SLC9B1: variants seen among roughly 807,000 people sequenced by gnomAD.
SLC9B1 encodes the protein sodium/hydrogen exchanger 9B1.
In SLC9B1, 32 loss-of-function variants were observed where a neutral mutation model predicts 51.7. The ratio of observed to expected loss-of-function variants is 0.62; its 90% CI spans 0.47 to 0.83. SLC9B1 has a LOEUF of 0.83. Ranked by LOEUF, SLC9B1 falls within the 40% of genes least tolerant of loss-of-function variation. The probability of loss-of-function intolerance (pLI) is 0.00; values close to 1 mark genes in which losing one functional copy is unlikely to be tolerated. For missense variants in SLC9B1, 406 were observed against 613.2 expected (o/e 0.66, Z 3.57); for synonymous variants, 145 against 212.7 (o/e 0.68, Z 2.77).
intron 4 of SLC9B1, among the ~76,000 whole-genome samples, chr4:102,947,132 G>GT: frequency 6.6e-6 from 1 of 152,264 alleles, no homozygotes; most frequent in Admixed American, 6.5e-5. Flanking sequence ...TGAGTCTTGC[G>GT]TTTTTTATGT....
chr4:102,943,483 C>G (rs1737108235), intron 6 of SLC9B1, among the ~76,000 whole-genome samples: 1 of 115,996 alleles, frequency 8.6e-6, no homozygotes, highest in South Asian at 2.7e-4. Context: ...ATATACGTAT[C>G]TATGTGTATA....
intron 3 of SLC9B1, among the ~76,000 whole-genome samples, chr4:102,964,384 T>A (rs1456957727): frequency 6.6e-6 from 1 of 151,856 alleles, no homozygotes; most frequent in Non-Finnish European, 1.5e-5. Flanking sequence ...AATACCAATG[T>A]TACAAAAACT....
intron 3 of SLC9B1, among the ~76,000 whole-genome samples, chr4:102,970,727 T>C (rs1738711761): frequency 6.6e-6 from 1 of 152,174 alleles, no homozygotes; most frequent in Non-Finnish European, 1.5e-5. Context: ...ATCAGTGTGC[T>C]GTATTCAGGA....
chr4:103,008,207 G>A (rs561837072), intron 1 of SLC9B1, among the ~76,000 whole-genome samples: 2 of 152,180 alleles, frequency 1.3e-5, no homozygotes, highest in Non-Finnish European at 2.9e-5. Context: ...ACAACTTATA[G>A]CAAAAGCTAT....
intron 3 of SLC9B1, among the ~76,000 whole-genome samples, chr4:102,955,224 G>T (rs1488031308): frequency 6.6e-6 from 1 of 152,130 alleles, no homozygotes; most frequent in Admixed American, 6.5e-5. Context: ...AGATCTGATG[G>T]CTTTATCAGG....
intron 1 of SLC9B1, among the ~76,000 whole-genome samples, chr4:103,015,153 A>G (rs1156785475): frequency 2.6e-5 from 4 of 152,280 alleles, no homozygotes; most frequent in South Asian, 2.1e-4. Flanking sequence ...TAATAAACAC[A>G]TATTGATGGA....
downstream of SLC9B1, among the ~76,000 whole-genome samples, chr4:102,899,466 T>G (rs1301876618): frequency 6.6e-6 from 1 of 151,584 alleles, no homozygotes; most frequent in African/African-American, 2.4e-5. Context: ...CAGGCTGGAG[T>G]GCAGTGGTGC....
intron 3 of SLC9B1, among the ~76,000 whole-genome samples, chr4:102,974,246 A>AAAAT (rs1553986459): frequency 7.2e-6 from 1 of 139,270 alleles, no homozygotes; most frequent in African/African-American, 2.9e-5. Context: ...AAAATTGAAA[A>AAAAT]AAAAAAAAAA....
At chr4:103,004,135 T>C (rs1469112481) in intron 1 of SLC9B1, among the ~76,000 whole-genome samples, 8 of 152,146 alleles carry the variant, frequency 5.3e-5, no homozygotes, top group Non-Finnish European at 1.2e-4. Flanking sequence ...TGGATAGAAA[T>C]GAACATTGAC....
intron 7 of SLC9B1, among the ~76,000 whole-genome samples, chr4:102,924,304 G>A (rs1378870194): frequency 3.3e-5 from 5 of 152,200 alleles, no homozygotes; most frequent in African/African-American, 9.6e-5. Flanking sequence ...CGAGAAATGG[G>A]GAAAGGATTC....
chr4:102,940,617 G>A (rs1432899061), intron 6 of SLC9B1, among the ~76,000 whole-genome samples: 3 of 152,072 alleles, frequency 2.0e-5, no homozygotes, highest in Admixed American at 1.3e-4. Context: ...GACTTCGAAC[G>A]GTAGTACAAT....
chr4:102,994,003 A>G (rs1399566177), intron 1 of SLC9B1, among the ~76,000 whole-genome samples: 49 of 152,130 alleles, frequency 3.2e-4, no homozygotes, highest in Admixed American at 3.2e-3. Flanking sequence ...CTAGGTCTCC[A>G]GGCCTGTGAT....
chr4:103,004,464 T>C (rs1740682904), intron 1 of SLC9B1, among the ~76,000 whole-genome samples: 1 of 152,172 alleles, frequency 6.6e-6, no homozygotes, highest in African/African-American at 2.4e-5. Flanking sequence ...CTCATCTATG[T>C]CCCAGAAAGA....
chr4:102,935,979 C>A (rs1314255561), intron 6 of SLC9B1, among the ~76,000 whole-genome samples: 5 of 152,164 alleles, frequency 3.3e-5, no homozygotes, highest in Non-Finnish European at 5.9e-5. Context: ...TGAGTAGGGA[C>A]CTTGCTACAA....
At chr4:102,947,334 C>A (rs1321422537) in intron 4 of SLC9B1, among the ~76,000 whole-genome samples, 1 of 152,128 alleles carries the variant, frequency 6.6e-6, no homozygotes, top group Non-Finnish European at 1.5e-5. Flanking sequence ...GAAGGGACAG[C>A]AGAGATAAGA....
chr4:103,003,139 T>C (rs2110531917), intron 1 of SLC9B1, among the ~76,000 whole-genome samples: 1 of 152,290 alleles, frequency 6.6e-6, no homozygotes, highest in East Asian at 1.9e-4. Context: ...TTTGTAATCT[T>C]TTCATCTTAC....
intron 1 of SLC9B1, among the ~76,000 whole-genome samples, chr4:102,993,866 C>T (rs1256828802): frequency 6.6e-6 from 1 of 152,210 alleles, no homozygotes; most frequent in Non-Finnish European, 1.5e-5. Flanking sequence ...TGAAGCAATG[C>T]CAGAGCTGTA....
intron 5 of SLC9B1, among the ~76,000 whole-genome samples, chr4:102,945,668 G>T (rs1188603246): frequency 6.6e-6 from 1 of 152,044 alleles, no homozygotes; most frequent in African/African-American, 2.4e-5. Flanking sequence ...GATATGAACT[G>T]TTTGATTAAC....
At chr4:102,921,649 C>T (rs1578347936) in intron 7 of SLC9B1, among the ~76,000 whole-genome samples, 1 of 152,306 alleles carries the variant, frequency 6.6e-6, no homozygotes, top group East Asian at 1.9e-4. Flanking sequence ...CATCAGTGTG[C>T]TGTATTCAGG....
Sources: allele counts gnomAD v4.1 joint callset (sites outside exome capture counted in the v4.1 genomes callset), GRCh38; gene constraint gnomAD v4.1.1; transcripts MANE v1.5; gene names NCBI Gene and HGNC (gene_info 2026-07-23, HGNC 2026-07-21).